The following KCNH7 variants were observed in gnomAD, a reference collection of about 807,000 sequenced individuals.
The protein encoded by KCNH7 is voltage-gated inwardly rectifying potassium channel KCNH7.
In KCNH7, 49 loss-of-function variants were observed where a neutral mutation model predicts 120.8. The ratio of observed to expected loss-of-function variants is 0.41; its 90% CI spans 0.32 to 0.51. The LOEUF is 0.51. Ranked by LOEUF, KCNH7 falls within the 20% of genes least tolerant of loss-of-function variation. The pLI, the probability that KCNH7 is intolerant of heterozygous loss-of-function variation, is 0.38. For synonymous variants in KCNH7, 547 were observed against 516.1 expected, an observed-to-expected ratio of 1.06 and a Z score of -0.81; for missense variants, 1,097 against 1,446.6, an observed-to-expected ratio of 0.76 and a Z score of 3.92.
chr2:162,696,809 G>C (rs544601177), intron 2 of KCNH7, among the ~76,000 whole-genome samples: 5 of 152,120 alleles, frequency 3.3e-5, no homozygotes, highest in Non-Finnish European at 5.9e-5. Flanking sequence ...CCAAAAGCGG[G>C]ACTATTTGAG....
intron 2 of KCNH7, among the ~76,000 whole-genome samples, chr2:162,743,254 T>C (rs1231632041): frequency 6.6e-6 from 1 of 152,214 alleles, no homozygotes; most frequent in Non-Finnish European, 1.5e-5. Flanking sequence ...TTTTTAGCAT[T>C]TTGAATTGTG....
chr2:162,608,867 A>C (rs1682868359), intron 2 of KCNH7, among the ~76,000 whole-genome samples: 1 of 152,170 alleles, frequency 6.6e-6, no homozygotes, highest in Non-Finnish European at 1.5e-5. Context: ...ATTGCTACTT[A>C]GTTGCTTTCC....
chr2:162,381,457 T>C (rs1192826888), intron 13 of KCNH7, among the ~76,000 whole-genome samples: 6 of 152,094 alleles, frequency 3.9e-5, no homozygotes, highest in African/African-American at 1.4e-4. Flanking sequence ...AAGACAGACA[T>C]GTCTGTATTC....
chr2:162,415,638 C>A (rs1573931191), intron 9 of KCNH7, among the ~76,000 whole-genome samples: 1 of 151,844 alleles, frequency 6.6e-6, no homozygotes, highest in East Asian at 1.9e-4. Flanking sequence ...TTAAGAATTG[C>A]CAATATAAAA....
intron 2 of KCNH7, among the ~76,000 whole-genome samples, chr2:162,631,126 C>G (rs1284148231): frequency 6.6e-6 from 1 of 152,112 alleles, no homozygotes; most frequent in African/African-American, 2.4e-5. Context: ...CAGGTTTGTC[C>G]TGGTATTTCA....
intron 13 of KCNH7, among the ~76,000 whole-genome samples, chr2:162,380,707 A>T (rs762823102): frequency 3.3e-5 from 5 of 151,984 alleles, no homozygotes; most frequent in Non-Finnish European, 2.9e-5. Flanking sequence ...AAATATTGCT[A>T]TGTTACTCTA....
chr2:162,424,847 G>A (rs192199460), intron 8 of KCNH7, among the ~76,000 whole-genome samples: 74 of 152,262 alleles, frequency 4.9e-4, no homozygotes, highest in Admixed American at 4.3e-3. Flanking sequence ...CTATTTAAGG[G>A]GATGAAAGTT....
At chr2:162,809,183 T>G (rs1212370010) in intron 2 of KCNH7, among the ~76,000 whole-genome samples, 1 of 152,184 alleles carries the variant, frequency 6.6e-6, no homozygotes, top group African/African-American at 2.4e-5. Context: ...AAGACATTAT[T>G]AAACCCTGTA....
At chr2:162,599,652 C>T (rs548279962) in intron 2 of KCNH7, among the ~76,000 whole-genome samples, 84 of 149,034 alleles carry the variant, frequency 5.6e-4, no homozygotes, top group Admixed American at 1.8e-3. Flanking sequence ...TTTTTTTTTA[C>T]GGTTTTCATT....
intron 2 of KCNH7, among the ~76,000 whole-genome samples, chr2:162,817,429 T>C (rs1314430779): frequency 6.6e-6 from 1 of 152,168 alleles, no homozygotes; most frequent in East Asian, 1.9e-4. Context: ...TACCATTGTC[T>C]GGCTACACCA....
intron 2 of KCNH7, among the ~76,000 whole-genome samples, chr2:162,698,597 G>A (rs898114298): frequency 6.6e-6 from 1 of 151,880 alleles, no homozygotes; most frequent in African/African-American, 2.4e-5. Context: ...TCAAAGAATT[G>A]GATATTAGAA....
intron 2 of KCNH7, among the ~76,000 whole-genome samples, chr2:162,782,438 C>T (rs931820887): frequency 1.3e-5 from 2 of 152,132 alleles, no homozygotes; most frequent in Admixed American, 1.3e-4. Context: ...TGGAGAAAGG[C>T]ATTCCAGGAA....
At chr2:162,793,274 C>A (rs1684023020) in intron 2 of KCNH7, among the ~76,000 whole-genome samples, 1 of 151,796 alleles carries the variant, frequency 6.6e-6, no homozygotes, top group African/African-American at 2.4e-5. Context: ...TAGAGGGGAA[C>A]AACACACACT....
At chr2:162,497,287 C>G (rs1287580266) in intron 6 of KCNH7, among the ~76,000 whole-genome samples, 1 of 152,084 alleles carries the variant, frequency 6.6e-6, no homozygotes, top group Non-Finnish European at 1.5e-5. Context: ...TCTTTCAGTT[C>G]TTCTTTAAGT....
At chr2:162,711,697 A>G (rs1686934569) in intron 2 of KCNH7, among the ~76,000 whole-genome samples, 1 of 152,196 alleles carries the variant, frequency 6.6e-6, no homozygotes, top group Non-Finnish European at 1.5e-5. Flanking sequence ...TATGCTCTCA[A>G]CTTAGAAGTT....
intron 2 of KCNH7, among the ~76,000 whole-genome samples, chr2:162,617,281 C>A (rs1311355433): frequency 6.6e-6 from 1 of 152,002 alleles, no homozygotes; most frequent in African/African-American, 2.4e-5. Flanking sequence ...AGATCGAGAC[C>A]ATCCTGACTA....
chr2:162,522,822 T>C (rs994616075), intron 3 of KCNH7, among the ~76,000 whole-genome samples: 1 of 151,884 alleles, frequency 6.6e-6, no homozygotes, highest in Non-Finnish European at 1.5e-5. Context: ...TAAGAAGGCA[T>C]ATAGTTGTTA....
Position 162,838,545 on chromosome 2 carries a change from T to TC in KCNH7, c.-28dup, listed in dbSNP as rs1685741609. 1.9e-6 allele frequency: 3 copies of TC among 1,590,222 alleles called. No homozygotes were observed. The highest frequency in any genetic ancestry group is 2.6e-6 in the Non-Finnish European group (3 of 1,162,670). ...TTGGCCCCGGTCTTCCGAGGAGCGC[T>TC]CCCCCGGAGCTCTGGAGTTCTCCCG... On this transcript the variant is annotated 5_prime_UTR_variant, in exon 1 of 16. Transcript: ENST00000332142.
At chr2:162,587,174 T>C (rs1574137812) in intron 2 of KCNH7, among the ~76,000 whole-genome samples, 3 of 152,146 alleles carry the variant, frequency 2.0e-5, no homozygotes, top group East Asian at 1.9e-4. Flanking sequence ...TTCATATTTA[T>C]GAATGACCTG....
Sources: allele counts gnomAD v4.1 joint callset (sites outside exome capture counted in the v4.1 genomes callset), GRCh38; gene constraint gnomAD v4.1.1; transcripts MANE v1.5; gene names NCBI Gene and HGNC (gene_info 2026-07-23, HGNC 2026-07-21).